Variants in CDH23 observed in about 807,000 individuals in gnomAD.
The protein encoded by CDH23 is cadherin-23.
Under a neutral mutation model 317.1 loss-of-function variants are expected in CDH23, and 189 were observed. The ratio of observed to expected loss-of-function variants is 0.60; its 90% CI spans 0.53 to 0.67. The LOEUF (loss-of-function observed/expected upper bound fraction) is 0.67, where lower values mean the gene tolerates loss of function less well. CDH23 is among the 30% of genes least tolerant of loss of function. The pLI is 0.00. For missense variants in CDH23, 4,401 were observed against 4,592.4 expected, an observed-to-expected ratio of 0.96 and a Z score of 1.20; for synonymous variants, 1,839 against 1,876.8, an observed-to-expected ratio of 0.98 and a Z score of 0.52.
intron 6 of CDH23, among the ~76,000 whole-genome samples, chr10:71,533,600 T>G (rs548184062): frequency 6.8e-6 from 1 of 148,112 alleles, no homozygotes; most frequent in African/African-American, 2.5e-5. Context: ...CAGAAGGCAC[T>G]TAGTTGGGGC....
At chr10:71,808,686 T>TC (rs1447070380) in intron 60 of CDH23, among the ~76,000 whole-genome samples, 17 of 152,136 alleles carry the variant, frequency 1.1e-4, no homozygotes, top group Non-Finnish European at 4.4e-5. Context: ...TAAAGGCTCC[T>TC]CCTCTGTATG....
chr10:71,548,411 G>A (rs575575886), intron 6 of CDH23, among the ~76,000 whole-genome samples: 4 of 152,246 alleles, frequency 2.6e-5, no homozygotes, highest in Non-Finnish European at 5.9e-5. Context: ...CACCGAATAC[G>A]TCTTCTTTAT....
At chr10:71,514,211 A>C (rs1200613516) in intron 6 of CDH23, among the ~76,000 whole-genome samples, 2 of 152,198 alleles carry the variant, frequency 1.3e-5, no homozygotes, top group Admixed American at 1.3e-4. Flanking sequence ...ATGCCCCAGC[A>C]GAATTTCCCA....
chr10:71,694,315 C>T (rs1295885077), intron 21 of CDH23, 56 bp downstream of exon 21: 2 of 1,367,120 alleles, frequency 1.5e-6, no homozygotes, highest in Non-Finnish European at 2.1e-6. Flanking sequence ...GGCTGCTGCT[C>T]CCTGCTTGTA....
chr10:71,802,705 G>A (rs563193766), intron 53 of CDH23, among the ~76,000 whole-genome samples, 193 bp from the exon 54 acceptor site: 5 of 152,314 alleles, frequency 3.3e-5, no homozygotes, highest in African/African-American at 1.2e-4. Context: ...CTAGGATTGT[G>A]CAACCAAGGT....
intron 23 of CDH23, 133 bp from the exon 24 acceptor site, chr10:71,702,416 T>C: frequency 8.0e-7 from 1 of 1,254,672 alleles, no homozygotes; most frequent in East Asian, 2.3e-5. Flanking sequence ...AGGCCTAGGC[T>C]GCTTCCTGGA....
chr10:71,724,733 T>C (rs1430006508), intron 29 of CDH23, among the ~76,000 whole-genome samples: 1 of 152,182 alleles, frequency 6.6e-6, no homozygotes, highest in Non-Finnish European at 1.5e-5. Context: ...TGGGTCTCAT[T>C]GGTCCAATCA....
Position 71,751,715 on chromosome 10 carries a change from G to C in CDH23, c.4845+9794G>C. On this transcript the variant is annotated intron_variant, in intron 38 of 69. Coordinates refer to ENST00000224721, the MANE Select transcript of CDH23 (RefSeq NM_022124.6). The surrounding 1 kb of genome is among the most constrained non-coding windows in gnomAD (Gnocchi z 4.9). ...TCCGGGGCCTGGAGGAGACAGGGGG[G>C]TGCTGGGCTCCGAAAGCAGATGCCG... 1 of 1,577,364 alleles carries C rather than the reference G, an allele frequency of 6.3e-7. No individual in the cohort carries two copies. The highest frequency in any genetic ancestry group is 2.2e-5 in the East Asian group (1 of 44,518).
chr10:71,490,826 G>A (rs1037888108), intron 3 of CDH23, among the ~76,000 whole-genome samples: 1 of 152,156 alleles, frequency 6.6e-6, no homozygotes, highest in African/African-American at 2.4e-5. Context: ...TACAGATGAG[G>A]AAACTGAGGC....
At position 71,397,705 on chromosome 10, in the gene CDH23, G is replaced by A. The variant is rs1007493055; in HGVS notation, c.-6+387G>A. ...GATTTTCGAGAGTGGAGCGCGTTGG[G>A]ATCCAATCCCCTCCCCTTCTGAGCC... On this transcript the variant is annotated intron_variant, in intron 1 of 69. Coordinates refer to ENST00000224721, the MANE Select transcript of CDH23 (RefSeq NM_022124.6). The surrounding 1 kb of genome is among the most constrained non-coding windows in gnomAD (Gnocchi z 4.8). 6.6e-6 allele frequency among the ~76,000 whole-genome samples: 1 copy of A among 152,074 alleles called. No individual in the cohort carries two copies. The highest frequency in any genetic ancestry group is 1.5e-5 in the Non-Finnish European group (1 of 67,994).
intron 3 of CDH23, among the ~76,000 whole-genome samples, chr10:71,500,060 T>C (rs1380515430): frequency 7.4e-6 from 1 of 134,948 alleles, no homozygotes; most frequent in Non-Finnish European, 1.6e-5. Flanking sequence ...TGTAGCACAA[T>C]AGGGTGGCTA....
rs1251373947 is a variant in CDH23, at chr10:71,751,461, C to T, written c.4845+9540C>T. 4.3e-5 allele frequency among the ~76,000 whole-genome samples: 2 copies of T among 46,744 alleles called. No individual in the cohort carries two copies. Among genetic ancestry groups the T allele is most frequent in the Admixed American group, 1.7e-4 (1 of 5,806 alleles). 30.7% of individuals were successfully genotyped at this position (46,744 alleles called of 152,430 possible). Reference sequence around the variant, plus strand: ...CTCTTCAGGGAGGTGAATGGGGGCCCCTCTGTCCCTCACCCTCAACCCCAC... The same window carrying T: ...CTCTTCAGGGAGGTGAATGGGGGCCTCTCTGTCCCTCACCCTCAACCCCAC... On this transcript the variant is annotated intron_variant, in intron 38 of 69. Transcript: ENST00000224721. This position sits in a 1 kb window ranked among gnomAD's most constrained non-coding sequence, Gnocchi z 4.9.
Position 71,719,103 on chromosome 10 carries a change from T to A in CDH23, c.3370-4942T>A, listed in dbSNP as rs551681973. ...AAAAAAATAAAAAATAAAAAAAAAA[T>A]AAGTGGAGTTGTAATTAGCATCTGA... is the stretch of plus-strand genomic sequence containing the variant. On this transcript the variant is annotated intron_variant, in intron 28 of 69. Transcript: ENST00000224721. Among the ~76,000 whole-genome samples the A allele has an allele frequency of 4.0e-5, 6 of 151,342 alleles. No individual in the cohort carries two copies. In the South Asian group the frequency reaches 1.0e-3, roughly 26 times the overall value.
intron 9 of CDH23, among the ~76,000 whole-genome samples, chr10:71,609,772 C>T (rs533835315): frequency 7.0e-4 from 106 of 152,334 alleles, no homozygotes; most frequent in African/African-American, 2.5e-3. Flanking sequence ...TGACGAACGT[C>T]ACCAGCCCCA....
chr10:71,773,622 C>T (rs1840744251), intron 38 of CDH23: 2 of 495,634 alleles, frequency 4.0e-6, no homozygotes, highest in Non-Finnish European at 6.8e-6. Flanking sequence ...GGAACTGCCT[C>T]TCCGAGGGCC....
intron 29 of CDH23, among the ~76,000 whole-genome samples, chr10:71,724,496 G>A (rs962985694): frequency 1.3e-5 from 2 of 152,202 alleles, no homozygotes; most frequent in African/African-American, 2.4e-5. Context: ...TAGAGACAGG[G>A]TTTCACCGTG....
chr10:71,577,919 G>A lies in CDH23; in HGVS notation c.759G>A (p.Thr253=), dbSNP rs1196746866. Residue 253 remains threonine (T), a synonymous_variant, in exon 9 of 70, where the codon ACG becomes ACA. Coordinates refer to ENST00000224721, the MANE Select transcript of CDH23 (RefSeq NM_022124.6). ...TNIYEHSPPG[T]TVRIITAIDQ... The stretch of plus-strand genomic sequence containing the variant: ...CCCTCCTCTCTTCTGCCCAGGGCAC[G>A]ACGGTGCGCATCATCACCGCCATAG... The A allele has an allele frequency of 2.5e-6, 4 of 1,597,052 alleles. No homozygotes were observed. Among genetic ancestry groups the A allele is most frequent in the South Asian group, 2.3e-5 (2 of 87,912 alleles).
At position 71,694,149 on chromosome 10, in the gene CDH23, G is replaced by A. The variant is rs1381430546; in HGVS notation, c.2179G>A (p.Glu727Lys). ...TQFRINARSG[E>K]ITTTSLLDRE... Reference sequence around the variant, plus strand: ...GCACCCACTTCTCTCTCTGGCAGGGGAAATCACCACCACGTCTCTGCTTGA... The same window carrying A: ...GCACCCACTTCTCTCTCTGGCAGGGAAAATCACCACCACGTCTCTGCTTGA... The change falls in exon 21 of 70, where the codon GAA becomes AAA. Residue 727 changes from glutamate to lysine, a missense_variant and splice_region_variant. Around this residue, in one of 3 missense-constraint regions of CDH23, gnomAD observed 3,068 missense variants for 3,203.3 expected, o/e 0.96. Transcript: ENST00000224721. 2 of 1,613,476 alleles carry A rather than the reference G, an allele frequency of 1.2e-6. No homozygotes were observed. Among genetic ancestry groups the A allele is most frequent in the Admixed American group, 1.7e-5 (1 of 59,976 alleles).
intron 14 of CDH23, among the ~76,000 whole-genome samples, chr10:71,665,644 G>C (rs566182985): frequency 6.6e-6 from 1 of 152,260 alleles, no homozygotes; most frequent in South Asian, 2.1e-4. Flanking sequence ...GCTGCTTGAG[G>C]ATGGACGCTG....
Sources: gnomAD v4.1 joint callset for allele counts (sites outside exome capture counted in the v4.1 genomes callset) on GRCh38, gnomAD v4.1.1 for gene constraint, gnomAD v4.1.1 regional missense constraint, Gnocchi (gnomAD v3.1) non-coding constraint, MANE v1.5 for transcripts, NCBI Gene and HGNC (gene_info 2026-07-23, HGNC 2026-07-21) for gene names.